The following AP3B1 variants were observed in gnomAD, a reference collection of about 807,000 sequenced individuals.
AP3B1 encodes adaptor related protein complex 3 subunit beta 1, also known as AP-3 complex subunit beta-1.
Under a neutral mutation model 132.5 loss-of-function variants are expected in AP3B1, and 61 were observed. The ratio of observed to expected loss-of-function variants is 0.46; its 90% CI spans 0.37 to 0.57. AP3B1 has a LOEUF of 0.57. AP3B1 is among the 20% of genes least tolerant of loss of function. The pLI is 0.00. For synonymous variants in AP3B1, 388 were observed against 438.3 expected, an observed-to-expected ratio of 0.89 and a Z score of 1.43; for missense variants, 1,120 against 1,289.4, an observed-to-expected ratio of 0.87 and a Z score of 2.01.
intron 14 of AP3B1, among the ~76,000 whole-genome samples, chr5:78,145,237 C>G (rs918303221): frequency 1.3e-5 from 2 of 152,170 alleles, no homozygotes; most frequent in African/African-American, 4.8e-5. Flanking sequence ...AATCTATGTT[C>G]TCTTTTTAAA....
intron 7 of AP3B1, among the ~76,000 whole-genome samples, chr5:78,185,103 T>C (rs906699113): frequency 6.6e-6 from 1 of 152,178 alleles, no homozygotes; most frequent in African/African-American, 2.4e-5. Context: ...GAGAATCTTA[T>C]ATCTAGCAAA....
At chr5:78,074,132 C>A (rs183063046) in intron 22 of AP3B1, among the ~76,000 whole-genome samples, 343 of 152,094 alleles carry the variant, frequency 2.3e-3, no homozygotes, top group Admixed American at 3.9e-3. Flanking sequence ...AAATATTTTG[C>A]AATAAAAAAA....
At chr5:78,085,188 G>A (rs1561395234) in intron 22 of AP3B1, among the ~76,000 whole-genome samples, 1 of 152,142 alleles carries the variant, frequency 6.6e-6, no homozygotes, top group East Asian at 1.9e-4. Flanking sequence ...TTTTACCAGT[G>A]GAGCAGTGTA....
At chr5:78,281,771 CAG>C (rs1749067871) in intron 1 of AP3B1, among the ~76,000 whole-genome samples, 1 of 151,990 alleles carries the variant, frequency 6.6e-6, no homozygotes, top group South Asian at 2.1e-4. Context: ...TTAATGGGTG[CAG>C]AGTTTCAGTG....
At chr5:78,112,206 T>C (rs1202689746) in intron 19 of AP3B1, among the ~76,000 whole-genome samples, 2 of 152,158 alleles carry the variant, frequency 1.3e-5, no homozygotes, top group Non-Finnish European at 2.9e-5. Context: ...CTAGAATTGA[T>C]TTTTGTGGAG....
In AP3B1 at chr5:78,165,619, T is replaced by C; in HGVS notation, c.1221A>G (p.Arg407=). Residue 407 remains arginine, a synonymous_variant, in exon 12 of 27, where the codon CGA becomes CGG. Transcript: ENST00000255194. The stretch of plus-strand genomic sequence containing the variant: ...AGCACTGTACACAAACCTGAAATTC[T>C]CGAAGAAGAGTTGATATGTTGGCTT... ...ANEANISTLL[R]EFQTYVKSQD... is the part of the protein sequence containing the mutation. 6.2e-7 allele frequency: 1 copy of C among 1,608,646 alleles called. No homozygotes were observed. The highest frequency in any genetic ancestry group is 1.1e-5 in the South Asian group (1 of 90,626).
chr5:78,271,408 T>G (rs1469102232), intron 1 of AP3B1, among the ~76,000 whole-genome samples: 5 of 151,722 alleles, frequency 3.3e-5, no homozygotes, highest in Non-Finnish European at 7.4e-5. Context: ...GCAACAAGAG[T>G]GAAACTCCAT....
At chr5:78,045,620 A>G (rs1312961661) in intron 22 of AP3B1, among the ~76,000 whole-genome samples, 1 of 152,170 alleles carries the variant, frequency 6.6e-6, no homozygotes, top group Non-Finnish European at 1.5e-5. Flanking sequence ...CTTTAGTTCA[A>G]TATTTTGTAC....
At chr5:78,126,699 G>A (rs536882318) in intron 17 of AP3B1, among the ~76,000 whole-genome samples, 2 of 152,032 alleles carry the variant, frequency 1.3e-5, no homozygotes, top group Non-Finnish European at 2.9e-5. Flanking sequence ...CAGATCATTT[G>A]TCAAAACATA....
intron 13 of AP3B1, among the ~76,000 whole-genome samples, chr5:78,162,534 C>T (rs932875874): frequency 1.3e-5 from 2 of 151,796 alleles, no homozygotes; most frequent in Non-Finnish European, 2.9e-5. Context: ...GGAAAAGATA[C>T]AATCAAGGTG....
intron 6 of AP3B1, among the ~76,000 whole-genome samples, chr5:78,217,751 T>C (rs573166021): frequency 7.2e-5 from 11 of 152,174 alleles, no homozygotes; most frequent in African/African-American, 2.6e-4. Flanking sequence ...ATCAACCTTA[T>C]ATTAATATCA....
chr5:78,165,570 A>G, intron 12 of AP3B1, 40 bp downstream of exon 12: 2 of 1,386,258 alleles, frequency 1.4e-6, no homozygotes, highest in Non-Finnish European at 2.0e-6. Context: ...GACTGAACAT[A>G]TGTTTTAGAA....
intron 23 of AP3B1, among the ~76,000 whole-genome samples, chr5:78,037,277 G>A (rs531364131): frequency 2.0e-5 from 3 of 152,174 alleles, no homozygotes; most frequent in African/African-American, 7.2e-5. Flanking sequence ...TCATGTATCA[G>A]CTGCTTGACA....
intron 26 of AP3B1, among the ~76,000 whole-genome samples, chr5:78,004,727 T>C (rs1356992943): frequency 6.6e-6 from 1 of 152,248 alleles, no homozygotes; most frequent in Non-Finnish European, 1.5e-5. Flanking sequence ...TCCTAGGCAT[T>C]TGCTTGTGCA....
intron 6 of AP3B1, among the ~76,000 whole-genome samples, chr5:78,218,115 T>C (rs1746033930): frequency 6.6e-6 from 1 of 152,048 alleles, no homozygotes; most frequent in African/African-American, 2.4e-5. Flanking sequence ...AGAGTACTTT[T>C]ACAAAATAAA....
chr5:78,294,297 A>T, intron 1 of AP3B1, 155 bp downstream of exon 1: 1 of 1,034,658 alleles, frequency 9.7e-7, no homozygotes, highest in Non-Finnish European at 1.4e-6. Flanking sequence ...ACCGCCAACC[A>T]ACCCCACCTA....
At position 78,097,236 on chromosome 5, in the gene AP3B1, G is replaced by A. The variant is rs1447110242; in HGVS notation, c.2470+3717C>T. Reference sequence around the variant, plus strand: ...CAGCCACCCCGTCCGGGAGGGAGGTGGGGGGGTCAGCCCCCCGCCCGGCCA... The same window carrying A: ...CAGCCACCCCGTCCGGGAGGGAGGTAGGGGGGTCAGCCCCCCGCCCGGCCA... On this transcript the variant is annotated intron_variant, in intron 21 of 26. Transcript: ENST00000255194. 1.0e-4 allele frequency among the ~76,000 whole-genome samples: 11 copies of A among 104,952 alleles called. No individual in the cohort carries two copies. The East Asian group carries it at 2.9e-3, about 28-fold the overall frequency. 68.9% of individuals were successfully genotyped at this position (104,952 alleles called of 152,430 possible).
chr5:78,196,953 T>C (rs1745098907), intron 7 of AP3B1, among the ~76,000 whole-genome samples: 1 of 152,186 alleles, frequency 6.6e-6, no homozygotes, highest in South Asian at 2.1e-4. Context: ...TGTATTCATG[T>C]TATCATATAT....
intron 7 of AP3B1, among the ~76,000 whole-genome samples, chr5:78,193,634 C>T (rs180760050): frequency 1.7e-3 from 253 of 146,216 alleles, no homozygotes; most frequent in African/African-American, 5.8e-3. Flanking sequence ...ATCTTCTGAG[C>T]TTATTCTATA....
Sources: gnomAD v4.1 joint callset for allele counts (sites outside exome capture counted in the v4.1 genomes callset) on GRCh38, gnomAD v4.1.1 for gene constraint, MANE v1.5 for transcripts, NCBI Gene and HGNC (gene_info 2026-07-23, HGNC 2026-07-21) for gene names.